Variants in CADM2 observed in about 807,000 individuals in gnomAD.
CADM2 encodes cell adhesion molecule 2, also known as immunoglobulin superfamily member 4D.
A neutral mutation model predicts 49.8 loss-of-function variants in CADM2; 12 were observed. That is an observed-to-expected ratio of 0.24 (90% confidence interval 0.15 to 0.39). The LOEUF is 0.39. Ranked by LOEUF, CADM2 falls within the 10% of genes least tolerant of loss-of-function variation. The probability of loss-of-function intolerance (pLI) is 1.00; values close to 1 mark genes in which losing one functional copy is unlikely to be tolerated. For missense variants in CADM2, 378 were observed against 492.3 expected (o/e 0.77, Z 2.20); for synonymous variants, 214 against 175.4 (o/e 1.22, Z -1.74).
At chr3:85,038,300 C>T (rs1366712323) in intron 1 of CADM2, among the ~76,000 whole-genome samples, 2 of 152,168 alleles carry the variant, frequency 1.3e-5, no homozygotes, top group African/African-American at 4.8e-5. Context: ...ATACTACAGA[C>T]TGTTTAGTGA....
At chr3:85,162,827 T>C (rs77684423) in intron 1 of CADM2, among the ~76,000 whole-genome samples, 15,098 of 152,034 alleles carry the variant, frequency 0.099, 948 homozygotes, top group African/African-American at 0.18. Context: ...ATAAACCCTA[T>C]GTTTTGACAG....
chr3:85,051,972 G>A (rs999310941), intron 1 of CADM2, among the ~76,000 whole-genome samples: 1 of 152,000 alleles, frequency 6.6e-6, no homozygotes. Flanking sequence ...GGAGCCAAGA[G>A]TTCTGGAAGT....
intron 2 of CADM2, among the ~76,000 whole-genome samples, chr3:85,730,134 C>T (rs907465086): frequency 1.3e-5 from 2 of 152,052 alleles, no homozygotes; most frequent in African/African-American, 4.8e-5. Flanking sequence ...TTGCATGAAT[C>T]CTTATTCTTT....
intron 1 of CADM2, among the ~76,000 whole-genome samples, chr3:85,321,140 T>C (rs1181486110): frequency 8.4e-5 from 4 of 47,344 alleles, no homozygotes; most frequent in Admixed American, 2.5e-4. Context: ...TTTTTTTTTT[T>C]TTTTTTTTTT....
At chr3:85,824,817 GAGA>G (rs1559684081) in intron 3 of CADM2, among the ~76,000 whole-genome samples, 1 of 151,998 alleles carries the variant, frequency 6.6e-6, no homozygotes, top group East Asian at 1.9e-4. Flanking sequence ...CTAAGAAGTG[GAGA>G]AGAAGGAAAT....
intron 5 of CADM2, 150 bp from the exon 6 acceptor site, chr3:85,912,223 G>T: frequency 3.5e-6 from 2 of 569,650 alleles, no homozygotes; most frequent in Non-Finnish European, 6.1e-6. Flanking sequence ...TTATTTAATT[G>T]AATTGAAATA....
intron 1 of CADM2, among the ~76,000 whole-genome samples, chr3:85,558,823 TACAGGCACCAAA>T (rs1324682472): frequency 1.3e-5 from 2 of 152,088 alleles, no homozygotes; most frequent in East Asian, 3.9e-4. Context: ...TTGGAAGTCT[TACAGGCACCAAA>T]ACAATCATGG....
chr3:85,862,045 A>G (rs962958311), intron 3 of CADM2, among the ~76,000 whole-genome samples: 1 of 152,150 alleles, frequency 6.6e-6, no homozygotes, highest in African/African-American at 2.4e-5. Context: ...GTGAATAAAA[A>G]ATTATTTATG....
chr3:84,988,710 G>T (rs1246118561), intron 1 of CADM2, among the ~76,000 whole-genome samples: 2 of 151,814 alleles, frequency 1.3e-5, no homozygotes, highest in Admixed American at 1.3e-4. Context: ...TTGATCATCT[G>T]GTTCCTATTA....
chr3:85,508,660 T>G (rs2040467977), intron 1 of CADM2, among the ~76,000 whole-genome samples: 1 of 152,124 alleles, frequency 6.6e-6, no homozygotes, highest in Admixed American at 6.6e-5. Context: ...TCAGTGGGAA[T>G]CAGGTAAATG....
intron 1 of CADM2, among the ~76,000 whole-genome samples, chr3:85,344,479 G>T (rs2030359100): frequency 6.6e-6 from 1 of 151,876 alleles, no homozygotes; most frequent in East Asian, 1.9e-4. Flanking sequence ...TTTTTAAGAT[G>T]TAAAGACCAG....
intron 1 of CADM2, among the ~76,000 whole-genome samples, chr3:85,287,117 T>A (rs1390275808): frequency 6.6e-6 from 1 of 152,112 alleles, no homozygotes; most frequent in Non-Finnish European, 1.5e-5. Flanking sequence ...CAATCCTACT[T>A]TTAATTGAAT....
intron 1 of CADM2, among the ~76,000 whole-genome samples, chr3:85,527,114 G>A (rs960874906): frequency 5.3e-5 from 8 of 151,980 alleles, no homozygotes; most frequent in Admixed American, 4.6e-4. Context: ...GGCCAGGCAC[G>A]GTGTCTTACA....
At chr3:86,029,299 T>A (rs1191248944) in intron 8 of CADM2, among the ~76,000 whole-genome samples, 1 of 152,070 alleles carries the variant, frequency 6.6e-6, no homozygotes, top group Non-Finnish European at 1.5e-5. Context: ...GGCTGGAGGC[T>A]GAGAGGCAAT....
At chr3:85,741,492 A>G (rs1195333029) in intron 2 of CADM2, among the ~76,000 whole-genome samples, 1 of 151,858 alleles carries the variant, frequency 6.6e-6, no homozygotes, top group East Asian at 1.9e-4. Flanking sequence ...ACATGGTGAA[A>G]CCCCGTCTCT....
At chr3:85,997,022 G>A (rs57661808) in intron 8 of CADM2, among the ~76,000 whole-genome samples, 4,909 of 152,250 alleles carry the variant, frequency 0.032, 256 homozygotes, top group African/African-American at 0.11. Context: ...CGGTCAGTGT[G>A]GAGGTGTAAT....
intron 1 of CADM2, among the ~76,000 whole-genome samples, chr3:85,343,230 T>C (rs1263924319): frequency 2.0e-5 from 3 of 152,148 alleles, no homozygotes; most frequent in African/African-American, 4.8e-5. Context: ...CTGTACATGA[T>C]GGTACATAAT....
At chr3:86,046,007 C>T (rs1185875982) in intron 8 of CADM2, among the ~76,000 whole-genome samples, 2 of 152,126 alleles carry the variant, frequency 1.3e-5, no homozygotes, top group Non-Finnish European at 2.9e-5. Flanking sequence ...GCCTCATTTT[C>T]TTCCCCAAAG....
intron 8 of CADM2, among the ~76,000 whole-genome samples, chr3:86,009,625 A>G (rs1252913055): frequency 6.6e-6 from 1 of 151,880 alleles, no homozygotes; most frequent in Non-Finnish European, 1.5e-5. Context: ...ATCTAATGAC[A>G]TAAACTGATA....
Sources: allele counts gnomAD v4.1 joint callset (sites outside exome capture counted in the v4.1 genomes callset), GRCh38; gene constraint gnomAD v4.1.1; transcripts MANE v1.5; gene names NCBI Gene and HGNC (gene_info 2026-07-23, HGNC 2026-07-21).